Variants in P2RY12 observed in about 807,000 individuals in gnomAD.
P2RY12 encodes purinergic receptor P2Y12, also known as P2Y purinoceptor 12.
A neutral mutation model predicts 4.5 loss-of-function variants in P2RY12; 3 were observed. The observed-to-expected ratio is 0.67, with a 90% CI of 0.31 to 1.74. P2RY12 has a LOEUF of 1.74. Among genes scored for constraint, P2RY12 ranks in the 40% most tolerant of loss-of-function variants. P2RY12 has a pLI of 0.09. For missense variants in P2RY12, 356 were observed against 407.8 expected (o/e 0.87, Z 1.09); for synonymous variants, 148 against 154.1 (o/e 0.96, Z 0.29).
At chr3:151,358,844 C>T (rs145748082) in intron 1 of P2RY12, among the ~76,000 whole-genome samples, 160 of 152,214 alleles carry the variant, frequency 1.1e-3, no homozygotes, top group African/African-American at 3.4e-3. Context: ...GACTACTATA[C>T]GATGGATACC....
chr3:151,339,022 T>G (rs748117274), intron 2 of P2RY12, among the ~76,000 whole-genome samples, 163 bp from the exon 3 acceptor site: 10 of 152,182 alleles, frequency 6.6e-5, no homozygotes, highest in Non-Finnish European at 8.8e-5. Context: ...CCCAAAATAT[T>G]TCATTGCAGC....
intron 1 of P2RY12, among the ~76,000 whole-genome samples, chr3:151,362,791 A>G (rs1052198086): frequency 4.6e-5 from 7 of 152,204 alleles, no homozygotes; most frequent in Non-Finnish European, 7.3e-5. Flanking sequence ...GTGTGAAAAT[A>G]TGAAATGGGT....
At chr3:151,362,657 A>G (rs778667311) in intron 1 of P2RY12, among the ~76,000 whole-genome samples, 2 of 151,830 alleles carry the variant, frequency 1.3e-5, no homozygotes, top group African/African-American at 4.8e-5. Flanking sequence ...AGCTTTTTCT[A>G]TTTTTTTCAC....
chr3:151,346,339 A>G (rs1020446936), intron 1 of P2RY12, among the ~76,000 whole-genome samples: 1 of 152,170 alleles, frequency 6.6e-6, no homozygotes, highest in African/African-American at 2.4e-5. Flanking sequence ...TAGGTCTGAA[A>G]CAAGAGTCTT....
intron 1 of P2RY12, among the ~76,000 whole-genome samples, chr3:151,354,338 T>A (rs1373617560): frequency 1.3e-5 from 2 of 152,114 alleles, no homozygotes; most frequent in South Asian, 4.1e-4. Context: ...AAGCAATGCT[T>A]ATTTTTTTTA....
chr3:151,366,068 C>T, intron 1 of P2RY12: 1 of 1,254,878 alleles, frequency 8.0e-7, no homozygotes, highest in Non-Finnish European at 1.1e-6. Flanking sequence ...TTGCTTTTGG[C>T]TTTTATTTAA....
intron 1 of P2RY12, among the ~76,000 whole-genome samples, chr3:151,368,760 AT>A (rs201834162): frequency 0.013 from 1,071 of 80,254 alleles, 40 homozygotes; most frequent in African/African-American, 0.04. Flanking sequence ...ATGTCATTTC[AT>A]TTTTTTTTTT....
intron 1 of P2RY12, chr3:151,376,055 A>C: frequency 6.3e-7 from 1 of 1,595,650 alleles, no homozygotes; most frequent in Non-Finnish European, 8.5e-7. Flanking sequence ...GCTTAAAAGA[A>C]CCTGAAAGAT....
At chr3:151,346,249 A>G (rs937378638) in intron 1 of P2RY12, among the ~76,000 whole-genome samples, 7 of 152,100 alleles carry the variant, frequency 4.6e-5, no homozygotes, top group Admixed American at 4.6e-4. Flanking sequence ...CTAAGAGGCC[A>G]TTGTCTCTTA....
Position 151,384,685 on chromosome 3 carries a change from T to TA in P2RY12, c.-180+6_-180+7insT, listed in dbSNP as rs1435553656. 1.9e-5 allele frequency: 4 copies of TA among 210,986 alleles called. No individual in the cohort carries two copies. Among genetic ancestry groups the TA allele is most frequent in the Non-Finnish European group, 3.7e-5 (4 of 107,750 alleles). 13.1% of individuals were successfully genotyped at this position (210,986 alleles called of 1,614,324 possible). On this transcript the variant is annotated splice_region_variant and intron_variant, in intron 1 of 2. Coordinates refer to ENST00000302632, the MANE Select transcript of P2RY12 (RefSeq NM_022788.5). ...ATGCATTACCAATCAAATAAATCAATGGTTACCTTGTAATCTGACCCTGGA... is the reference window on the plus strand; with the variant it reads ...ATGCATTACCAATCAAATAAATCAATAGGTTACCTTGTAATCTGACCCTGGA...
chr3:151,373,348 TTAAGA>T (rs1756416123), intron 1 of P2RY12, among the ~76,000 whole-genome samples: 3 of 152,212 alleles, frequency 2.0e-5, no homozygotes, highest in Admixed American at 2.0e-4. Flanking sequence ...TTAATTTTGA[TTAAGA>T]TGTTTCCATT....
chr3:151,376,203 C>T (rs1756831277), intron 1 of P2RY12: 5 of 1,583,612 alleles, frequency 3.2e-6, no homozygotes, highest in Non-Finnish European at 4.3e-6. Context: ...GCACATTAAG[C>T]GTATTCTTCA....
rs1310826665 is a variant in P2RY12, at chr3:151,337,734, C to T, written c.*83G>A. The T allele has an allele frequency of 3.9e-5, 53 of 1,368,416 alleles. No individual in the cohort carries two copies. The East Asian group carries it at 8.2e-4, about 21-fold the overall frequency. The allele number at this position is 1,368,416 out of a possible 1,614,324, so 84.8% of individuals were successfully genotyped here. On this transcript the variant is annotated 3_prime_UTR_variant, in exon 3 of 3. Transcript: ENST00000302632. Reference sequence around the variant, plus strand: ...ATTATTATTAACTTAGTTGCTTCTTCGTCAGTTAATATTTTTACTTAGCGC... The same window carrying T: ...ATTATTATTAACTTAGTTGCTTCTTTGTCAGTTAATATTTTTACTTAGCGC...
At position 151,376,756 on chromosome 3, in the gene P2RY12, A is replaced by C. The variant is rs1756906451; in HGVS notation, c.-180+7936T>G. ...CTGTAAGAAATTACTGTATTTTAACACATTTGATACCCATAATGTTTTAAT... is the reference window on the plus strand; with the variant it reads ...CTGTAAGAAATTACTGTATTTTAACCCATTTGATACCCATAATGTTTTAAT... On this transcript the variant is annotated intron_variant, in intron 1 of 2. Transcript: ENST00000302632. 4 of 1,483,546 alleles carry C rather than the reference A, an allele frequency of 2.7e-6. No individual in the cohort carries two copies. In the East Asian group the frequency reaches 9.0e-5, roughly 34 times the overall value. 91.9% of individuals were successfully genotyped at this position (1,483,546 alleles called of 1,614,324 possible).
intron 1 of P2RY12, among the ~76,000 whole-genome samples, chr3:151,380,403 C>T (rs1712053614): frequency 1.3e-5 from 2 of 152,124 alleles, no homozygotes; most frequent in African/African-American, 2.4e-5. Context: ...TCGAGACCAG[C>T]CTGGCCAACA....
Position 151,338,293 on chromosome 3 carries a change from C to T in P2RY12, c.553G>A (p.Val185Ile), listed in dbSNP as rs1751308357. The change falls in exon 3 of 3, where the codon GTC becomes ATC. Residue 185 changes from valine (V) to isoleucine (I), a missense_variant. Physicochemically the swap from Val to Ile is conservative, Grantham distance 29. Transcript: ENST00000302632. ...ATGTAATTTACTATTTCATGCCAGA[C>T]TAGACCGAACTCTGATTTAAGGAAA... ...CSFLKSEFGL[V>I]WHEIVNYICQ... 6.2e-7 allele frequency: 1 copy of T among 1,614,106 alleles called. No homozygotes were observed. The highest frequency in any genetic ancestry group is 8.5e-7 in the Non-Finnish European group (1 of 1,179,998).
intron 1 of P2RY12, among the ~76,000 whole-genome samples, chr3:151,355,562 T>G (rs1170663203): frequency 6.6e-6 from 1 of 152,192 alleles, no homozygotes; most frequent in Non-Finnish European, 1.5e-5. Flanking sequence ...AATAAAATAC[T>G]ACGACATTGA....
At chr3:151,374,107 T>C (rs1756522268) in intron 1 of P2RY12, among the ~76,000 whole-genome samples, 1 of 152,210 alleles carries the variant, frequency 6.6e-6, no homozygotes, top group African/African-American at 2.4e-5. Context: ...CTAGTAAGAA[T>C]GCTGATTCCC....
At chr3:151,355,329 G>T (rs1196034541) in intron 1 of P2RY12, 2 of 754,236 alleles carry the variant, frequency 2.7e-6, no homozygotes, top group Non-Finnish European at 2.2e-6. Context: ...CAACCTTAAT[G>T]GTTTTAGACA....
Sources: gnomAD v4.1 joint callset for allele counts (sites outside exome capture counted in the v4.1 genomes callset) on GRCh38, gnomAD v4.1.1 for gene constraint, MANE v1.5 for transcripts, NCBI Gene and HGNC (gene_info 2026-07-23, HGNC 2026-07-21) for gene names.